Variants in SGO2 observed in about 807,000 individuals in gnomAD.
The protein encoded by SGO2 is shugoshin-like 2.
SGO2 carries 68 observed loss-of-function variants against 99.5 expected under a neutral mutation model. The observed-to-expected ratio is 0.68, with a 90% CI of 0.56 to 0.84. SGO2 has a LOEUF of 0.84. Among genes scored for constraint, SGO2 ranks in the 40% least tolerant of loss-of-function variants. The pLI, the probability that SGO2 is intolerant of heterozygous loss-of-function variation, is 0.00. For missense variants in SGO2, 1,350 were observed against 1,436.7 expected (o/e 0.94, Z 0.97); for synonymous variants, 457 against 487.1 (o/e 0.94, Z 0.81).
intron 5 of SGO2, among the ~76,000 whole-genome samples, chr2:200,558,857 C>T (rs1342383794): frequency 6.7e-6 from 1 of 150,240 alleles, no homozygotes; most frequent in African/African-American, 2.5e-5. Flanking sequence ...GGCTAGAGTG[C>T]AGTGGTGCGA....
intron 8 of SGO2, among the ~76,000 whole-genome samples, chr2:200,581,773 A>G (rs1283440299): frequency 2.0e-5 from 3 of 152,184 alleles, no homozygotes; most frequent in East Asian, 1.9e-4. Context: ...AATTTTACCA[A>G]CTAAGCTGTA....
At chr2:200,576,412 C>T (rs1333363870) in intron 8 of SGO2, among the ~76,000 whole-genome samples, 2 of 151,726 alleles carry the variant, frequency 1.3e-5, no homozygotes, top group South Asian at 2.1e-4. Flanking sequence ...CCCATCTCTA[C>T]TAAAAATGCA....
intron 1 of SGO2, chr2:200,532,263 G>C (rs67868292): frequency 0.045 from 18,534 of 409,912 alleles, 1,208 homozygotes; most frequent in Admixed American, 0.094. Flanking sequence ...GCAGGTGACA[G>C]AGTTTTTTGT....
chr2:200,578,150 C>CTATAGATATAGATATAGATATAGA (rs71022324), intron 8 of SGO2, among the ~76,000 whole-genome samples: 24,323 of 143,380 alleles, frequency 0.17, 2,382 homozygotes, highest in Middle Eastern at 0.23. Context: ...GTTGTCTTTT[C>CTATAGATATAGATATAGATATAGA]TATAGATATA....
intron 5 of SGO2, among the ~76,000 whole-genome samples, chr2:200,559,374 G>A (rs2032850059): frequency 6.6e-6 from 1 of 151,882 alleles, no homozygotes; most frequent in Non-Finnish European, 1.5e-5. Context: ...CTTTGTGAAG[G>A]TCTCATTTGG....
chr2:200,566,705 C>T (rs2033200820), intron 5 of SGO2, among the ~76,000 whole-genome samples: 1 of 152,216 alleles, frequency 6.6e-6, no homozygotes, highest in Non-Finnish European at 1.5e-5. Context: ...CCTTGAGCCG[C>T]AGGGTGCTCC....
chr2:200,576,234 C>CT (rs917329225), intron 8 of SGO2: 815 of 213,196 alleles, frequency 3.8e-3, no homozygotes, highest in East Asian at 9.3e-3. Flanking sequence ...TTTCTTTTTT[C>CT]TTTTTTTTTT....
intron 2 of SGO2, among the ~76,000 whole-genome samples, chr2:200,533,818 C>T (rs1048128321): frequency 6.6e-6 from 1 of 152,096 alleles, no homozygotes; most frequent in East Asian, 1.9e-4. Context: ...AACCCAGCCT[C>T]CTGGGTGCCT....
Position 200,573,383 on chromosome 2 carries a change from T to C in SGO2, c.3037T>C (p.Ser1013Pro), listed in dbSNP as rs372194722. The C allele has an allele frequency of 1.1e-4, 173 of 1,602,032 alleles. No homozygotes were observed. Among genetic ancestry groups the C allele is most frequent in the Non-Finnish European group, 1.4e-4 (167 of 1,176,702 alleles). ...NKLASQLTES[S>P]QTSISLESDL... ...ACTTGCTTCACAGTTAACAGAATCT[T>C]CACAGACATCTATCTCCTTAGAATC... is the stretch of plus-strand genomic sequence containing the variant. Residue 1013 changes from serine (S) to proline (P), a missense_variant, in exon 7 of 9, where the codon TCA becomes CCA. Physicochemically the swap from Ser to Pro is moderately conservative, Grantham distance 74 (BLOSUM62 -1). Transcript: ENST00000357799.
chr2:200,570,949 A>G lies in SGO2; in HGVS notation c.704-101A>G, dbSNP rs1047006061. The G allele has an allele frequency of 4.5e-6, 5 of 1,107,710 alleles. No homozygotes were observed. The Middle Eastern group carries it at 9.2e-4, about 203-fold the overall frequency. The allele number at this position is 1,107,710 out of a possible 1,614,324, so 68.6% of individuals were successfully genotyped here. A position where few individuals can be genotyped will look rare whatever the true frequency, so the allele number is the denominator to read the frequency against. On this transcript the variant is annotated intron_variant, in intron 6 of 8. Coordinates refer to ENST00000357799, the MANE Select transcript of SGO2 (RefSeq NM_152524.6). This position sits in a 1 kb window ranked among gnomAD's most constrained non-coding sequence, Gnocchi z 4.4. ...GATCTGATCAGAACACATTGTCAGA[A>G]ATTATATCTGTGAAACAGCTTGATT...
chr2:200,532,936 A>G (rs769365187), intron 1 of SGO2, 38 bp from the exon 2 acceptor site: 2 of 1,575,766 alleles, frequency 1.3e-6, no homozygotes. Flanking sequence ...TTTTTCTTTT[A>G]TTAATCAATA....
intron 5 of SGO2, among the ~76,000 whole-genome samples, chr2:200,567,117 G>GT (rs1340946861): frequency 6.6e-6 from 1 of 152,174 alleles, no homozygotes. Context: ...GATGAACCTG[G>GT]TACCTCAGTT....
At chr2:200,558,344 A>G (rs1459295564) in intron 5 of SGO2, among the ~76,000 whole-genome samples, 2 of 152,120 alleles carry the variant, frequency 1.3e-5, no homozygotes, top group African/African-American at 4.8e-5. Context: ...TTCATGAATA[A>G]CTACTGAATT....
intron 5 of SGO2, among the ~76,000 whole-genome samples, chr2:200,564,546 G>T (rs1214969300): frequency 6.6e-6 from 1 of 152,196 alleles, no homozygotes; most frequent in Non-Finnish European, 1.5e-5. Context: ...TGTTGATTTG[G>T]AGTGGAGAGT....
chr2:200,581,647 C>T (rs1387982702), intron 8 of SGO2, among the ~76,000 whole-genome samples: 1 of 152,070 alleles, frequency 6.6e-6, no homozygotes, highest in African/African-American at 2.4e-5. Flanking sequence ...CTACTAGAAG[C>T]TGTGATATAC....
At chr2:200,536,874 T>C (rs1362623483) in intron 4 of SGO2, among the ~76,000 whole-genome samples, 1 of 152,178 alleles carries the variant, frequency 6.6e-6, no homozygotes, top group Non-Finnish European at 1.5e-5. Flanking sequence ...CACATGCTTT[T>C]GTCCGCCTTC....
rs1201281646 is a variant in SGO2, at chr2:200,573,211, A to G, written c.2865A>G (p.Gln955=). 3.2e-6 allele frequency: 5 copies of G among 1,577,502 alleles called. No homozygotes were observed. The highest frequency in any genetic ancestry group is 4.3e-6 in the Non-Finnish European group (5 of 1,170,188). ...VNKSKQKLEC[Q]DIINKHYMEV... ...AATCTAAACAAAAACTTGAATGCCAAGACATTATCAATAAACACTATATGG... is the reference window on the plus strand; with the variant it reads ...AATCTAAACAAAAACTTGAATGCCAGGACATTATCAATAAACACTATATGG... The change falls in exon 7 of 9, where the codon CAA becomes CAG. Residue 955 remains glutamine, a synonymous_variant. Transcript: ENST00000357799.
rs756211482 is a variant in SGO2, at chr2:200,573,129, A to G, written c.2783A>G (p.Asp928Gly). 1 of 1,591,734 alleles carries G rather than the reference A, an allele frequency of 6.3e-7. No homozygotes were observed. The highest frequency in any genetic ancestry group is 1.2e-5 in the South Asian group (1 of 85,064). ...ATGAACCAGATATATGAGGATAATG[A>G]TAAAGATGCACATGTCCAAGAAAGC... ...SEMNQIYEDN[D>G]KDAHVQESYT... Residue 928 changes from aspartate (D) to glycine (G), a missense_variant, in exon 7 of 9, where the codon GAT becomes GGT. Asp to Gly is a moderately conservative substitution (Grantham distance 94). Transcript: ENST00000357799.
At chr2:200,580,653 G>C (rs1312636358) in intron 8 of SGO2, 6 of 255,828 alleles carry the variant, frequency 2.3e-5, no homozygotes, top group East Asian at 3.0e-4. Context: ...GCAACACAGG[G>C]AGACGCTCAC....
Sources: gnomAD v4.1 joint callset for allele counts (sites outside exome capture counted in the v4.1 genomes callset) on GRCh38, gnomAD v4.1.1 for gene constraint, Gnocchi (gnomAD v3.1) non-coding constraint, MANE v1.5 for transcripts, NCBI Gene and HGNC (gene_info 2026-07-23, HGNC 2026-07-21) for gene names.